DNASE1: variants seen among roughly 807,000 people sequenced by gnomAD.
The protein encoded by DNASE1 is deoxyribonuclease-1.
In DNASE1, 40 loss-of-function variants were observed where a neutral mutation model predicts 33.9. The ratio of observed to expected loss-of-function variants is 1.18; its 90% CI spans 0.92 to 1.54. The LOEUF (loss-of-function observed/expected upper bound fraction) is 1.54. Ranked by LOEUF, DNASE1 falls within the 40% of genes most tolerant of loss-of-function variation. The pLI, the probability that DNASE1 is intolerant of heterozygous loss-of-function variation, is 0.00. For synonymous variants in DNASE1, 216 were observed against 160.0 expected (o/e 1.35, Z -2.64); for missense variants, 518 against 372.6 (o/e 1.39, Z -3.21).
chr16:3,624,419 G>A (rs2041433220), intron 1 of DNASE1, among the ~76,000 whole-genome samples: 1 of 152,188 alleles, frequency 6.6e-6, no homozygotes, highest in Non-Finnish European at 1.5e-5. Flanking sequence ...TAAGGCACCT[G>A]GTGGTGCTCT....
At position 3,656,153 on chromosome 16, in the gene DNASE1, C is replaced by A. The variant is rs1244791443; in HGVS notation, c.288C>A (p.Asn96Lys). ...TGGTCAGTGAGCCACTGGGACGGAA[C>A]AGCTATAAGGAGCGCTACCTGTTCG... The part of the protein sequence containing the change: ...HYVVSEPLGR[N>K]SYKERYLFVY... Residue 96 changes from asparagine to lysine, a missense_variant, in exon 4 of 9, where the codon AAC becomes AAA. Asn to Lys is a moderately conservative substitution (Grantham distance 94). Coordinates refer to ENST00000246949, the MANE Select transcript of DNASE1 (RefSeq NM_005223.4). The A allele has an allele frequency of 1.2e-6, 2 of 1,614,126 alleles. No homozygotes were observed. The highest frequency in any genetic ancestry group is 3.3e-5 in the Admixed American group (2 of 60,032).
At chr16:3,612,663 C>T (rs2040939533) in intron 1 of DNASE1, among the ~76,000 whole-genome samples, 1 of 151,546 alleles carries the variant, frequency 6.6e-6, no homozygotes, top group Non-Finnish European at 1.5e-5. Flanking sequence ...CCCGCCTCGG[C>T]CTCCCAAAGC....
At chr16:3,612,942 G>A (rs2040958049) in intron 1 of DNASE1, among the ~76,000 whole-genome samples, 1 of 152,080 alleles carries the variant, frequency 6.6e-6, no homozygotes, top group African/African-American at 2.4e-5. Context: ...AATGAACACA[G>A]GAGAGGTGTA....
At chr16:3,665,100 C>T (rs1412034303) in exon 10 of DNASE1, 10 of 152,420 alleles carry the variant, frequency 6.6e-5, no homozygotes, top group Admixed American at 5.9e-4. Flanking sequence ...ATTGATAAGA[C>T]ATGTCACACG....
At chr16:3,662,763 C>G (rs1178985587), downstream of DNASE1, 2 of 940,772 alleles carry the variant, frequency 2.1e-6, no homozygotes, top group Non-Finnish European at 3.4e-6. Context: ...CACCTGACAC[C>G]AAGGGCTTCT....
chr16:3,626,421 T>G (rs2151169952), intron 1 of DNASE1, among the ~76,000 whole-genome samples: 1 of 152,310 alleles, frequency 6.6e-6, no homozygotes. Flanking sequence ...TTGCTTAATA[T>G]CAAGTGTTTG....
At chr16:3,637,273 C>G (rs2041897440) in intron 1 of DNASE1, among the ~76,000 whole-genome samples, 1 of 152,090 alleles carries the variant, frequency 6.6e-6, no homozygotes, top group Admixed American at 6.6e-5. Context: ...TCTGTTTTTC[C>G]TTCCTTGGGT....
At chr16:3,658,693 A>ACAAAAAGAC (rs56682055), downstream of DNASE1, 2 of 1,200,032 alleles carry the variant, frequency 1.7e-6, no homozygotes, top group Non-Finnish European at 1.2e-6. Flanking sequence ...AAACAAACAA[A>ACAAAAAGAC]AAGACAGGAT....
intron 1 of DNASE1, among the ~76,000 whole-genome samples, chr16:3,629,230 T>A (rs972857614): frequency 6.6e-6 from 1 of 152,024 alleles, no homozygotes; most frequent in East Asian, 1.9e-4. Context: ...CAATGTAGGT[T>A]TTTCAAATAT....
chr16:3,627,237 G>A (rs1259334741), intron 1 of DNASE1, among the ~76,000 whole-genome samples: 3 of 150,488 alleles, frequency 2.0e-5, no homozygotes, highest in Non-Finnish European at 4.4e-5. Context: ...AATATAGCCA[G>A]TCCAGCTGTC....
At chr16:3,661,783 A>G (rs1049795253), downstream of DNASE1, 41 of 534,758 alleles carry the variant, frequency 7.7e-5, no homozygotes, top group Non-Finnish European at 1.1e-4. Context: ...CTAACCTCCC[A>G]GGTGACACCT....
chr16:3,640,996 C>T (rs2042009958), upstream of DNASE1: 1 of 398,736 alleles, frequency 2.5e-6, no homozygotes, highest in South Asian at 1.3e-4. Flanking sequence ...CCAACAGGGC[C>T]ACTCGGATGT....
intron 1 of DNASE1, among the ~76,000 whole-genome samples, chr16:3,619,395 T>A (rs2041224520): frequency 6.6e-6 from 1 of 151,152 alleles, no homozygotes; most frequent in Non-Finnish European, 1.5e-5. Flanking sequence ...AGAGTCTCGC[T>A]CTGTCGCCCA....
rs1291884759 is a variant in DNASE1, at chr16:3,664,456, C to T, written c.*6503C>T. 3.1e-6 allele frequency: 5 copies of T among 1,609,588 alleles called. No individual in the cohort carries two copies. The East Asian group carries it at 8.9e-5, about 29-fold the overall frequency. ...TCGTAGCGCAGCAGCTTTGCTATGT[C>T]CTCCTAGAAGGGACGGGGCAGGTCA... On this transcript the variant is annotated 3_prime_UTR_variant, in exon 10 of 10. Coordinates refer to the DNASE1 transcript ENST00000407479.
At chr16:3,643,559 CTG>C (rs2042082548) in intron 1 of DNASE1, among the ~76,000 whole-genome samples, 1 of 152,180 alleles carries the variant, frequency 6.6e-6, no homozygotes, top group South Asian at 2.1e-4. Flanking sequence ...AGTGGGTGAG[CTG>C]TCCCTGTCGG....
At chr16:3,623,898 C>CA (rs930519065) in intron 1 of DNASE1, among the ~76,000 whole-genome samples, 16 of 152,026 alleles carry the variant, frequency 1.1e-4, no homozygotes, top group African/African-American at 3.6e-4. Flanking sequence ...ATTAAAAAGT[C>CA]AAAAAACAAC....
chr16:3,661,898 C>G, downstream of DNASE1: 1 of 1,465,630 alleles, frequency 6.8e-7, no homozygotes, highest in Non-Finnish European at 9.0e-7. Flanking sequence ...ACGCACTTTT[C>G]TTCTGTGTCA....
exon 10 of DNASE1, chr16:3,663,979 C>A: frequency 2.7e-6 from 1 of 364,230 alleles, no homozygotes; most frequent in African/African-American, 2.1e-5. Flanking sequence ...AGGAGAATGA[C>A]CTGAACCCAG....
At chr16:3,622,257 C>T (rs967770404) in intron 1 of DNASE1, among the ~76,000 whole-genome samples, 15 of 150,772 alleles carry the variant, frequency 9.9e-5, no homozygotes, top group South Asian at 2.1e-4. Flanking sequence ...GTTTCCATTC[C>T]GTTAACAATG....
Sources: allele counts gnomAD v4.1 joint callset (sites outside exome capture counted in the v4.1 genomes callset), GRCh38; gene constraint gnomAD v4.1.1; transcripts MANE v1.5; gene names NCBI Gene and HGNC (gene_info 2026-07-23, HGNC 2026-07-21).